The following GRIP1 variants were observed in gnomAD, a reference collection of about 807,000 sequenced individuals.
GRIP1 encodes glutamate receptor interacting protein 1.
In GRIP1, 45 loss-of-function variants were observed where a neutral mutation model predicts 129.9. The ratio of observed to expected loss-of-function variants is 0.35; its 90% CI spans 0.27 to 0.44. GRIP1 has a LOEUF of 0.44. Ranked by LOEUF, GRIP1 falls within the 20% of genes least tolerant of loss-of-function variation. The probability of loss-of-function intolerance (pLI) is 1.00; values close to 1 mark genes in which losing one functional copy is unlikely to be tolerated. For synonymous variants in GRIP1, 530 were observed against 520.8 expected, an observed-to-expected ratio of 1.02 and a Z score of -0.24; for missense variants, 1,196 against 1,396.8, an observed-to-expected ratio of 0.86 and a Z score of 2.29.
intron 1 of GRIP1, among the ~76,000 whole-genome samples, chr12:66,821,410 T>A (rs73130883): frequency 0.035 from 5,308 of 152,288 alleles, 98 homozygotes; most frequent in Middle Eastern, 0.058. Context: ...TATGTTACCA[T>A]GAGTACTCAA....
chr12:66,776,968 GAT>G (rs1400817344), intron 1 of GRIP1, among the ~76,000 whole-genome samples: 1 of 152,184 alleles, frequency 6.6e-6, no homozygotes, highest in East Asian at 1.9e-4. Flanking sequence ...CATGTGCAAA[GAT>G]ATGTTGATTC....
Position 66,713,481 on chromosome 12 carries a change from T to C in GRIP1, c.-419-83145A>G, listed in dbSNP as rs188310348. On this transcript the variant is annotated intron_variant, in intron 1 of 4. Coordinates refer to the GRIP1 transcript ENST00000538373. The stretch of plus-strand genomic sequence containing the variant: ...TTGTCAAAAATGCAGCTTCTTGGGG[T>C]CCCCCTCAGAACAGTAGAAGCAGAA... Among the ~76,000 whole-genome samples, 289 of 151,860 alleles carry C rather than the reference T, an allele frequency of 1.9e-3. 1 individual carries two copies. Among genetic ancestry groups the C allele is most frequent in the African/African-American group, 5.9e-3 (245 of 41,456 alleles).
intron 1 of GRIP1, among the ~76,000 whole-genome samples, chr12:66,652,715 T>C (rs536700677): frequency 3.7e-4 from 57 of 152,338 alleles, no homozygotes; most frequent in Non-Finnish European, 6.6e-4. Context: ...TGAGTGGCCA[T>C]GTCCCCATCA....
At chr12:66,442,778 C>G (rs1352256019) in intron 13 of GRIP1, among the ~76,000 whole-genome samples, 1 of 152,134 alleles carries the variant, frequency 6.6e-6, no homozygotes, top group East Asian at 1.9e-4. Context: ...TCAAGTGATC[C>G]TCCCGCCTTG....
At chr12:67,020,615 G>C (rs1045634163) in intron 1 of GRIP1, among the ~76,000 whole-genome samples, 4 of 151,962 alleles carry the variant, frequency 2.6e-5, no homozygotes, top group Non-Finnish European at 5.9e-5. Context: ...AAGTTGCCTA[G>C]GCTGGTCTTG....
At chr12:66,836,356 C>A (rs1242825988) in intron 1 of GRIP1, among the ~76,000 whole-genome samples, 2 of 152,142 alleles carry the variant, frequency 1.3e-5, no homozygotes, top group African/African-American at 2.4e-5. Context: ...ACTTCCCGGG[C>A]CTTTATCCAC....
At chr12:66,896,405 AGGGAGATCAACACTTCAAT>A (rs1376791271) in intron 1 of GRIP1, among the ~76,000 whole-genome samples, 1 of 151,006 alleles carries the variant, frequency 6.6e-6, no homozygotes, top group African/African-American at 2.4e-5. Context: ...GCAGATGGCA[AGGGAGATCAACACTTCAAT>A]GGGAACTGAA....
chr12:66,531,244 AAAAAAAAAATATATATATATAT>A (rs2061436934), intron 4 of GRIP1, among the ~76,000 whole-genome samples: 3 of 56,248 alleles, frequency 5.3e-5, no homozygotes, highest in African/African-American at 2.4e-4. Context: ...TCAAAAAAAA[AAAAAAAAAATATATATATATAT>A]ATATATATAT....
chr12:66,586,008 C>T lies in GRIP1; in HGVS notation c.136+10839G>A, dbSNP rs543616865. On this transcript the variant is annotated intron_variant, in intron 2 of 24. Coordinates refer to ENST00000359742, the MANE Select transcript of GRIP1 (RefSeq NM_001366722.1). ...TTCCACTATATCATCCGCATCAGCA[C>T]ACGAACATGCTGCATCCTCTCTTAT... Among the ~76,000 whole-genome samples the T allele has an allele frequency of 1.6e-3, 246 of 152,314 alleles. 2 individuals carry two copies. The highest frequency in any genetic ancestry group is 5.6e-3 in the African/African-American group (234 of 41,562).
At chr12:66,597,611 C>T (rs1412027767) in intron 1 of GRIP1, among the ~76,000 whole-genome samples, 1 of 152,138 alleles carries the variant, frequency 6.6e-6, no homozygotes, top group Non-Finnish European at 1.5e-5. Flanking sequence ...ATGAAAATAA[C>T]TTGCAGAATT....
At chr12:66,562,959 C>A (rs2062593244) in intron 2 of GRIP1, among the ~76,000 whole-genome samples, 1 of 150,854 alleles carries the variant, frequency 6.6e-6, no homozygotes, top group African/African-American at 2.4e-5. Context: ...GGAAGAGGAT[C>A]ATCATAAAGG....
intron 1 of GRIP1, among the ~76,000 whole-genome samples, chr12:66,872,821 A>G (rs1592919347): frequency 6.6e-6 from 1 of 152,224 alleles, no homozygotes; most frequent in East Asian, 1.9e-4. Context: ...TGTGAAACAA[A>G]CTATCCCAAA....
At chr12:66,812,558 CAG>C (rs879769295) in intron 1 of GRIP1, among the ~76,000 whole-genome samples, 5 of 152,218 alleles carry the variant, frequency 3.3e-5, no homozygotes, top group Admixed American at 2.6e-4. Flanking sequence ...AGGTGTGAAA[CAG>C]AATATGGAGG....
At chr12:66,757,416 T>C (rs1281112902) in intron 1 of GRIP1, among the ~76,000 whole-genome samples, 1 of 151,892 alleles carries the variant, frequency 6.6e-6, no homozygotes, top group Non-Finnish European at 1.5e-5. Context: ...TAAGATCTCA[T>C]TTTTTTTGTC....
At chr12:66,858,941 G>A (rs947011202) in intron 1 of GRIP1, among the ~76,000 whole-genome samples, 26 of 151,826 alleles carry the variant, frequency 1.7e-4, no homozygotes, top group African/African-American at 4.8e-4. Flanking sequence ...GAGCTCTTCC[G>A]TTAAAGAATG....
intron 2 of GRIP1, among the ~76,000 whole-genome samples, chr12:66,546,783 T>C (rs542001586): frequency 6.6e-6 from 1 of 152,216 alleles, no homozygotes; most frequent in South Asian, 2.1e-4. Context: ...CATAATATTA[T>C]AGAAACTGTA....
At chr12:66,760,237 C>T (rs893704282) in intron 1 of GRIP1, among the ~76,000 whole-genome samples, 1 of 152,094 alleles carries the variant, frequency 6.6e-6, no homozygotes, top group African/African-American at 2.4e-5. Context: ...TTCTTCTGAG[C>T]CCTCCAAACT....
chr12:66,544,062 AC>A (rs1340529050), intron 2 of GRIP1, among the ~76,000 whole-genome samples: 3 of 152,272 alleles, frequency 2.0e-5, no homozygotes, highest in East Asian at 1.9e-4. Context: ...TCCAGAAGGA[AC>A]CCAGGTGCTT....
chr12:66,440,208 A>T (rs1176393033), intron 13 of GRIP1, among the ~76,000 whole-genome samples: 2 of 152,134 alleles, frequency 1.3e-5, no homozygotes, highest in East Asian at 1.9e-4. Context: ...ATGTATATTT[A>T]TGGGTTACAT....
Sources: gnomAD v4.1 joint callset for allele counts (sites outside exome capture counted in the v4.1 genomes callset) on GRCh38, gnomAD v4.1.1 for gene constraint, MANE v1.5 for transcripts, NCBI Gene and HGNC (gene_info 2026-07-23, HGNC 2026-07-21) for gene names.